Variants in CTNNA2 observed in about 807,000 individuals in gnomAD.
CTNNA2 encodes the protein catenin alpha-2.
A neutral mutation model predicts 101.0 loss-of-function variants in CTNNA2; 42 were observed. That is an observed-to-expected ratio of 0.42 (90% CI 0.32 to 0.54). CTNNA2 has a LOEUF of 0.54. Among genes scored for constraint, CTNNA2 ranks in the 20% least tolerant of loss-of-function variants. The probability of loss-of-function intolerance (pLI) is 0.14; values close to 1 mark genes in which losing one functional copy is unlikely to be tolerated. For synonymous variants in CTNNA2, 450 were observed against 456.4 expected, an observed-to-expected ratio of 0.99 and a Z score of 0.18; for missense variants, 871 against 1,223.1, an observed-to-expected ratio of 0.71 and a Z score of 4.29.
rs191040310 is a variant in CTNNA2 at position 79,584,816 on chromosome 2, G to A, written c.-5-66736G>A. ...ATTACAGGCGTGAGCCACCGCACCC[G>A]GCGCAAGCAGATTTTCATATGCACT... On this transcript the variant is annotated intron_variant, in intron 1 of 18. Coordinates refer to ENST00000402739, the MANE Select transcript of CTNNA2 (RefSeq NM_001282597.3). Among the ~76,000 whole-genome samples the A allele has an allele frequency of 1.1e-3, 169 of 152,214 alleles. 1 individual carries two copies. The highest frequency in any genetic ancestry group is 3.9e-3 in the African/African-American group (160 of 41,538).
chr2:79,509,246 G>A (rs2103818911), upstream of CTNNA2, among the ~76,000 whole-genome samples: 1 of 151,952 alleles, frequency 6.6e-6, no homozygotes, highest in South Asian at 2.1e-4. Flanking sequence ...GAAATCCAGG[G>A]GTTCAATTGA....
intron 4 of CTNNA2, among the ~76,000 whole-genome samples, chr2:79,392,164 G>T (rs778362020): frequency 6.6e-5 from 10 of 152,160 alleles, no homozygotes; most frequent in Non-Finnish European, 8.8e-5. Context: ...CCAAACACTT[G>T]CCCAATGAAT....
At chr2:80,034,901 C>A (rs1695552437) in intron 7 of CTNNA2, among the ~76,000 whole-genome samples, 1 of 152,164 alleles carries the variant, frequency 6.6e-6, no homozygotes. Flanking sequence ...ATTTCAAATT[C>A]ATATACCGCT....
chr2:79,388,757 CA>C lies in CTNNA2; in HGVS notation c.-135+14745del, dbSNP rs1292695862. Among the ~76,000 whole-genome samples the C allele has an allele frequency of 2.0e-5, 3 of 152,014 alleles. No individual in the cohort carries two copies. The East Asian group carries it at 5.8e-4, about 29-fold the overall frequency. On this transcript the variant is annotated intron_variant, in intron 4 of 21. Coordinates refer to the CTNNA2 transcript ENST00000466387. ...TTACCTTTGAGTCCTAATACACGGT[CA>C]CCATCCTTTTTCTTTCTCTCTCCTC...
intron 1 of CTNNA2, among the ~76,000 whole-genome samples, chr2:79,631,051 G>A (rs537728358): frequency 6.6e-6 from 1 of 151,856 alleles, no homozygotes; most frequent in Non-Finnish European, 1.5e-5. Flanking sequence ...TGTTTTATGT[G>A]CCCCCTGGCA....
chr2:79,256,249 C>A (rs992404696), intron 2 of CTNNA2, among the ~76,000 whole-genome samples: 40 of 152,120 alleles, frequency 2.6e-4, no homozygotes, highest in Admixed American at 2.6e-3. Flanking sequence ...ATCATCAATT[C>A]CCTGAGACTC....
chr2:79,864,867 G>T (rs369484827), intron 4 of CTNNA2, among the ~76,000 whole-genome samples: 1 of 152,100 alleles, frequency 6.6e-6, no homozygotes. Context: ...CCTCTCCTCC[G>T]ATTTCAGTCT....
chr2:79,244,539 G>T (rs192996358), intron 2 of CTNNA2, among the ~76,000 whole-genome samples: 1 of 152,292 alleles, frequency 6.6e-6, no homozygotes, highest in East Asian at 1.9e-4. Context: ...ACCCACAGAA[G>T]CTATGGGGAG....
chr2:79,465,772 G>A (rs958337110), intron 4 of CTNNA2, among the ~76,000 whole-genome samples: 1 of 123,484 alleles, frequency 8.1e-6, no homozygotes, highest in Non-Finnish European at 1.7e-5. Flanking sequence ...CTCATGATTT[G>A]GCTCTCTGTT....
intron 7 of CTNNA2, among the ~76,000 whole-genome samples, chr2:80,037,000 C>T (rs192738749): frequency 7.2e-5 from 11 of 152,124 alleles, no homozygotes; most frequent in East Asian, 1.9e-4. Flanking sequence ...TGGAAAGTTT[C>T]GTTGTAGATA....
intron 7 of CTNNA2, among the ~76,000 whole-genome samples, chr2:80,122,242 C>G (rs1207191255): frequency 2.0e-5 from 3 of 151,170 alleles, no homozygotes; most frequent in Non-Finnish European, 4.4e-5. Flanking sequence ...CTTTCTCTAT[C>G]TCTCTTCCCT....
chr2:80,626,559 C>G (rs1317739687), intron 18 of CTNNA2, among the ~76,000 whole-genome samples: 1 of 151,870 alleles, frequency 6.6e-6, no homozygotes, highest in Non-Finnish European at 1.5e-5. Flanking sequence ...CACATTGCTG[C>G]TCTGATTAAG....
At chr2:79,393,834 T>A (rs191019586) in intron 4 of CTNNA2, among the ~76,000 whole-genome samples, 1 of 152,126 alleles carries the variant, frequency 6.6e-6, no homozygotes, top group Admixed American at 6.6e-5. Flanking sequence ...CCTGGCTCCC[T>A]GCAGGATCGG....
intron 1 of CTNNA2, among the ~76,000 whole-genome samples, chr2:79,641,236 A>T (rs1680429911): frequency 6.6e-6 from 1 of 152,166 alleles, no homozygotes; most frequent in Admixed American, 6.5e-5. Context: ...GTTTGGGCTA[A>T]ATTTTACAGT....
At chr2:80,241,587 A>ATATCTATCTATCTATCTATC (rs3067148) in intron 7 of CTNNA2, among the ~76,000 whole-genome samples, 2 of 148,298 alleles carry the variant, frequency 1.3e-5, no homozygotes, top group South Asian at 2.2e-4. Context: ...TGCATCTATT[A>ATATCTATCTATCTATCTATC]TATCTATCTA....
chr2:80,425,656 C>T (rs1438381891), intron 9 of CTNNA2, among the ~76,000 whole-genome samples: 1 of 152,108 alleles, frequency 6.6e-6, no homozygotes, highest in Non-Finnish European at 1.5e-5. Flanking sequence ...AGTCCTTCAA[C>T]ATTTTTCTTG....
chr2:80,163,127 T>G, intron 7 of CTNNA2: 1 of 1,573,746 alleles, frequency 6.4e-7, no homozygotes, highest in South Asian at 1.1e-5. Context: ...CTTTTGGAAT[T>G]TCACCTTTAT....
chr2:79,902,757 G>C (rs1685149095), intron 6 of CTNNA2, among the ~76,000 whole-genome samples: 1 of 151,850 alleles, frequency 6.6e-6, no homozygotes, highest in Admixed American at 6.6e-5. Flanking sequence ...CTCCCAAGTT[G>C]TTGGGATTAC....
rs1673723313 is a variant in CTNNA2, at chr2:79,546,233, C to T, written c.-6+33026C>T. On this transcript the variant is annotated intron_variant, in intron 1 of 18. Transcript: ENST00000402739. ...CATACTCTCACTCAGATGGCATCTTCCCCTGAGTCATCCAGTGTTTTTTCT... is the reference window on the plus strand; with the variant it reads ...CATACTCTCACTCAGATGGCATCTTTCCCTGAGTCATCCAGTGTTTTTTCT... Among the ~76,000 whole-genome samples the T allele has an allele frequency of 2.0e-5, 3 of 151,948 alleles. No homozygotes were observed. The South Asian group carries it at 6.3e-4, about 32-fold the overall frequency.
Sources: gnomAD v4.1 joint callset for allele counts (sites outside exome capture counted in the v4.1 genomes callset) on GRCh38, gnomAD v4.1.1 for gene constraint, MANE v1.5 for transcripts, NCBI Gene and HGNC (gene_info 2026-07-23, HGNC 2026-07-21) for gene names.